Variants in ARFGEF2 observed in about 807,000 individuals in gnomAD.
The protein encoded by ARFGEF2 is brefeldin A-inhibited guanine nucleotide-exchange protein 2.
ARFGEF2 carries 74 observed loss-of-function variants against 219.9 expected under a neutral mutation model. The observed-to-expected ratio is 0.34, with a 90% confidence interval of 0.28 to 0.41. The LOEUF (loss-of-function observed/expected upper bound fraction) is 0.41. Among genes scored for constraint, ARFGEF2 ranks in the 10% least tolerant of loss-of-function variants. The probability of loss-of-function intolerance (pLI) is 1.00; values close to 1 mark genes in which losing one functional copy is unlikely to be tolerated. For missense variants in ARFGEF2, 1,743 were observed against 2,218.3 expected, an observed-to-expected ratio of 0.79 and a Z score of 4.30; for synonymous variants, 733 against 799.2, an observed-to-expected ratio of 0.92 and a Z score of 1.40.
intron 25 of ARFGEF2, among the ~76,000 whole-genome samples, chr20:48,999,746 TA>T (rs761792091): frequency 1.5e-3 from 171 of 111,402 alleles, no homozygotes; most frequent in Middle Eastern, 5.6e-3. Flanking sequence ...GACTCCGTCT[TA>T]AAAAAAAAAA....
chr20:48,998,725 T>C (rs2091406904), intron 25 of ARFGEF2, among the ~76,000 whole-genome samples: 2 of 152,198 alleles, frequency 1.3e-5, no homozygotes, highest in African/African-American at 4.8e-5. Context: ...TGAAAATACT[T>C]TAATATCCCA....
intron 7 of ARFGEF2, among the ~76,000 whole-genome samples, chr20:48,964,917 A>G (rs2091178425): frequency 6.6e-6 from 1 of 152,220 alleles, no homozygotes; most frequent in African/African-American, 2.4e-5. Context: ...GTATTGTTTC[A>G]TGAAATGTGT....
intron 6 of ARFGEF2, among the ~76,000 whole-genome samples, chr20:48,956,078 G>A (rs983844862): frequency 3.3e-5 from 5 of 152,180 alleles, no homozygotes; most frequent in Non-Finnish European, 5.9e-5. Flanking sequence ...GTACCCAGGG[G>A]CGGAGTCCAG....
chr20:48,963,961 A>G, intron 7 of ARFGEF2, 63 bp downstream of exon 7: 2 of 1,502,014 alleles, frequency 1.3e-6, no homozygotes, highest in South Asian at 2.3e-5. Context: ...TCCTCAGCAA[A>G]ATATTTTAGT....
intron 8 of ARFGEF2, among the ~76,000 whole-genome samples, chr20:48,967,072 C>T (rs570647621): frequency 6.6e-6 from 1 of 152,320 alleles, no homozygotes; most frequent in Non-Finnish European, 1.5e-5. Context: ...TGATCTTGAA[C>T]TAGGCTCAAG....
intron 14 of ARFGEF2, among the ~76,000 whole-genome samples, chr20:48,983,758 C>G (rs2091310191): frequency 6.6e-6 from 1 of 152,226 alleles, no homozygotes; most frequent in Non-Finnish European, 1.5e-5. Context: ...AGCAACTGCA[C>G]TATCTAAACA....
chr20:48,974,864 G>C lies in ARFGEF2; in HGVS notation c.1764G>C (p.Gln588His). The stretch of plus-strand genomic sequence containing the variant: ...ACCTGTATGTGAATCCCAACCACCA[G>C]ACCAGCCTCGGTGAGACAGCATTGC... ...SKDLYVNPNH[Q>H]TSLGQERLTD... Residue 588 changes from glutamine (Q) to histidine (H), a missense_variant, in exon 13 of 39, where the codon CAG becomes CAC. Physicochemically the swap from Gln to His is conservative, Grantham distance 24. Around this residue, in one of 5 missense-constraint regions of ARFGEF2, gnomAD observed 666 missense variants for 955.4 expected, o/e 0.70. Coordinates refer to ENST00000371917, the MANE Select transcript of ARFGEF2 (RefSeq NM_006420.3). 1 of 1,613,410 alleles carries C rather than the reference G, an allele frequency of 6.2e-7. No individual in the cohort carries two copies. Among genetic ancestry groups the C allele is most frequent in the Non-Finnish European group, 8.5e-7 (1 of 1,179,688 alleles).
chr20:48,974,670 C>T (rs1355190019), intron 12 of ARFGEF2, 96 bp from the exon 13 acceptor site: 2 of 928,560 alleles, frequency 2.2e-6, no homozygotes, highest in Non-Finnish European at 3.4e-6. Context: ...TCAGTGATTT[C>T]TTTCTTAGCC....
At chr20:48,924,843 A>G (rs1214106443) in intron 1 of ARFGEF2, among the ~76,000 whole-genome samples, 1 of 152,196 alleles carries the variant, frequency 6.6e-6, no homozygotes, top group African/African-American at 2.4e-5. Flanking sequence ...ATCTTGGACA[A>G]GTTACTTCCT....
intron 1 of ARFGEF2, among the ~76,000 whole-genome samples, chr20:48,927,847 C>T (rs1331049258): frequency 2.0e-5 from 3 of 152,072 alleles, no homozygotes; most frequent in African/African-American, 7.2e-5. Flanking sequence ...AATAACAGGA[C>T]TCAGGACCCT....
chr20:48,989,220 A>G, intron 18 of ARFGEF2, 65 bp from the exon 19 acceptor site: 2 of 1,562,950 alleles, frequency 1.3e-6, no homozygotes, highest in South Asian at 1.1e-5. Flanking sequence ...CTTTTGAAAC[A>G]GTGTATGGCA....
chr20:49,003,376 G>A (rs528726578), intron 25 of ARFGEF2, among the ~76,000 whole-genome samples: 1 of 151,516 alleles, frequency 6.6e-6, no homozygotes, highest in Non-Finnish European at 1.5e-5. Context: ...AGGCTGAGGC[G>A]GTTGGATCAC....
chr20:48,999,849 A>G (rs981549791), intron 25 of ARFGEF2, among the ~76,000 whole-genome samples: 4 of 152,124 alleles, frequency 2.6e-5, no homozygotes, highest in Non-Finnish European at 5.9e-5. Flanking sequence ...ACCAAAACAC[A>G]TTTCATGATC....
chr20:48,989,004 G>A (rs886086860), intron 18 of ARFGEF2, among the ~76,000 whole-genome samples: 4 of 152,134 alleles, frequency 2.6e-5, no homozygotes, highest in Non-Finnish European at 2.9e-5. Flanking sequence ...TGTTTGAGAA[G>A]CAGCAAAGGG....
chr20:48,949,167 A>T (rs1009481985), intron 3 of ARFGEF2, among the ~76,000 whole-genome samples: 5 of 152,168 alleles, frequency 3.3e-5, no homozygotes, highest in Non-Finnish European at 1.5e-5. Context: ...TTTGAAGAGT[A>T]ATGTGCCCCT....
intron 2 of ARFGEF2, among the ~76,000 whole-genome samples, chr20:48,941,661 C>A (rs905492527): frequency 1.3e-5 from 2 of 152,210 alleles, no homozygotes; most frequent in African/African-American, 4.8e-5. Flanking sequence ...GTTGTTAATT[C>A]AGCATGCCAA....
chr20:48,962,900 G>A (rs992613876), intron 6 of ARFGEF2, among the ~76,000 whole-genome samples: 9 of 151,948 alleles, frequency 5.9e-5, no homozygotes, highest in African/African-American at 1.9e-4. Context: ...TTTGGTCAAC[G>A]TGATGTTTTA....
intron 1 of ARFGEF2, 137 bp from the exon 2 acceptor site, chr20:48,941,062 T>G: frequency 1.3e-6 from 1 of 768,986 alleles, no homozygotes; most frequent in Admixed American, 2.2e-5. Context: ...ATTATTTCTT[T>G]CACTTCATAT....
Position 48,960,507 on chromosome 20 carries a change from G to A in ARFGEF2, c.839-3323G>A, listed in dbSNP as rs529879670. 4.6e-5 allele frequency among the ~76,000 whole-genome samples: 7 copies of A among 150,730 alleles called. No homozygotes were observed. In the South Asian group the frequency reaches 6.3e-4, roughly 14 times the overall value. ...AATTTTCTTTTTTTTTTTTGAGACC[G>A]AGTTTTGCTCCTGTCGCCTAGGCTG... On this transcript the variant is annotated intron_variant, in intron 6 of 38. Coordinates refer to ENST00000371917, the MANE Select transcript of ARFGEF2 (RefSeq NM_006420.3).
Sources: allele counts gnomAD v4.1 joint callset (sites outside exome capture counted in the v4.1 genomes callset), GRCh38; gene constraint gnomAD v4.1.1; regional missense constraint gnomAD v4.1.1; transcripts MANE v1.5; gene names NCBI Gene and HGNC (gene_info 2026-07-23, HGNC 2026-07-21).